FAM178B: variants seen among roughly 807,000 people sequenced by gnomAD.
The protein encoded by FAM178B is family with sequence similarity 178 member B, also known as protein FAM178B.
A neutral mutation model predicts 91.7 loss-of-function variants in FAM178B; 82 were observed. That is an observed-to-expected ratio of 0.89 (90% CI 0.75 to 1.07). FAM178B has a LOEUF of 1.07. Among genes scored for constraint, FAM178B ranks in the 50% least tolerant of loss-of-function variants. FAM178B has a pLI of 0.00. For synonymous variants in FAM178B, 368 were observed against 359.4 expected, an observed-to-expected ratio of 1.02 and a Z score of -0.27; for missense variants, 769 against 846.7, an observed-to-expected ratio of 0.91 and a Z score of 1.14.
intron 12 of FAM178B, among the ~76,000 whole-genome samples, chr2:96,920,256 T>C (rs769168088): frequency 9.9e-5 from 15 of 152,156 alleles, no homozygotes; most frequent in South Asian, 2.1e-4. Context: ...ATTCAGCCAA[T>C]GGGCCTTATC....
chr2:96,881,737 G>T (rs1484196792), intron 14 of FAM178B, among the ~76,000 whole-genome samples: 1 of 144,146 alleles, frequency 6.9e-6, no homozygotes, highest in Admixed American at 6.8e-5. Flanking sequence ...GAATCTGCAG[G>T]GGGCAGGGAG....
At position 96,876,276 on chromosome 2, in the gene FAM178B, T is replaced by C; in HGVS notation, c.2040A>G (p.Ter680=). The part of the protein sequence containing the change: ...AQYFSPWKDI[*] ...CCTGGGCTGCCCTGACCCTGTCCCT[T>C]TAGATGTCTTTCCAGGGGCTGAAAT... Residue 680 remains the stop codon, a stop_retained_variant, in exon 17 of 17, where the codon TAA becomes TAG. Transcript: ENST00000490605. 1 of 1,608,276 alleles carries C rather than the reference T, an allele frequency of 6.2e-7. No homozygotes were observed.
intron 13 of FAM178B, among the ~76,000 whole-genome samples, chr2:96,894,395 C>A (rs1203524576): frequency 7.9e-6 from 1 of 126,682 alleles, no homozygotes; most frequent in Non-Finnish European, 1.7e-5. Flanking sequence ...CCCACACATA[C>A]CCAGGCCTCC....
chr2:96,985,372 C>G (rs2082409854), intron 1 of FAM178B, among the ~76,000 whole-genome samples: 1 of 152,170 alleles, frequency 6.6e-6, no homozygotes, highest in Non-Finnish European at 1.5e-5. Flanking sequence ...CCCCTCTGCC[C>G]AGCACATCCC....
rs2080236325 is a variant in FAM178B, at chr2:96,876,153, T to C, written c.*123A>G. 2.0e-6 allele frequency: 2 copies of C among 1,010,770 alleles called. No homozygotes were observed. Among genetic ancestry groups the C allele is most frequent in the African/African-American group, 3.2e-5 (2 of 62,492 alleles). 62.6% of individuals were successfully genotyped at this position (1,010,770 alleles called of 1,614,324 possible). A position where few individuals can be genotyped will look rare whatever the true frequency, so the allele number is the denominator to read the frequency against. ...CGGGGCGGTGGCAGGGGCAGGCTCTTGCCTCATCAGGCTGGTCAGCATGTG... is the reference window on the plus strand; with the variant it reads ...CGGGGCGGTGGCAGGGGCAGGCTCTCGCCTCATCAGGCTGGTCAGCATGTG... On this transcript the variant is annotated 3_prime_UTR_variant, in exon 17 of 17. Transcript: ENST00000490605.
At chr2:96,921,064 A>G (rs925653986) in intron 12 of FAM178B, 101 bp downstream of exon 12, 2 of 881,310 alleles carry the variant, frequency 2.3e-6, no homozygotes, top group Non-Finnish European at 3.7e-6. Flanking sequence ...GAAATTGGGC[A>G]GGGGAGGTTT....
At chr2:96,889,771 T>A (rs1455226387) in intron 14 of FAM178B, among the ~76,000 whole-genome samples, 2 of 150,600 alleles carry the variant, frequency 1.3e-5, no homozygotes, top group Non-Finnish European at 3.0e-5. Flanking sequence ...CAAGAAATGA[T>A]AAGGAAGTGT....
At chr2:96,943,884 G>A (rs2153372767) in intron 8 of FAM178B, among the ~76,000 whole-genome samples, 1 of 152,206 alleles carries the variant, frequency 6.6e-6, no homozygotes, top group Non-Finnish European at 1.5e-5. Context: ...TCTGCAGATG[G>A]GTTCGCGGTG....
At chr2:96,951,022 C>T (rs942948119) in intron 7 of FAM178B, among the ~76,000 whole-genome samples, 10 of 152,092 alleles carry the variant, frequency 6.6e-5, no homozygotes, top group African/African-American at 2.4e-4. Context: ...GGGGCTTGGA[C>T]CGATTCACTG....
chr2:96,959,199 G>GAAAAAAAA (rs57498168), intron 6 of FAM178B, among the ~76,000 whole-genome samples: 22 of 82,126 alleles, frequency 2.7e-4, no homozygotes, highest in African/African-American at 7.1e-4. Context: ...ACTCAGTTTT[G>GAAAAAAAA]AAAAAAAAAA....
At chr2:96,971,751 C>G in intron 3 of FAM178B, 150 bp downstream of exon 3, 1 of 692,710 alleles carries the variant, frequency 1.4e-6, no homozygotes, top group Non-Finnish European at 2.1e-6. Flanking sequence ...GCCATGAGGG[C>G]CCAAGGGCTG....
chr2:96,895,001 T>TGTGGAGGTTTGGAACACCATGAAGAGAG, intron 13 of FAM178B: 1 of 1,261,290 alleles, frequency 7.9e-7, no homozygotes, highest in Non-Finnish European at 1.0e-6. Flanking sequence ...AACTCTTCTC[T>TGTGGAGGTTTGGAACACCATGAAGAGAG]GTGGAGGTTT....
chr2:96,961,522 T>C (rs2082081694), intron 5 of FAM178B, among the ~76,000 whole-genome samples: 2 of 152,214 alleles, frequency 1.3e-5, no homozygotes, highest in Non-Finnish European at 2.9e-5. Flanking sequence ...ATGTTCTGCT[T>C]CATTTTATAG....
intron 5 of FAM178B, among the ~76,000 whole-genome samples, chr2:96,962,030 C>T (rs2082087487): frequency 6.6e-6 from 1 of 152,096 alleles, no homozygotes; most frequent in Non-Finnish European, 1.5e-5. Context: ...TTATTAAAAG[C>T]CTAGGCCAGG....
intron 9 of FAM178B, among the ~76,000 whole-genome samples, chr2:96,927,378 G>A (rs1483789856): frequency 4.6e-5 from 7 of 152,304 alleles, no homozygotes; most frequent in East Asian, 3.9e-4. Flanking sequence ...CCAGGTCCTC[G>A]AGGGTAGTTC....
intron 6 of FAM178B, among the ~76,000 whole-genome samples, chr2:96,957,551 C>T (rs1202968814): frequency 6.6e-6 from 1 of 152,226 alleles, no homozygotes; most frequent in Non-Finnish European, 1.5e-5. Context: ...GGCAGGCCTG[C>T]TCTGATCCCA....
intron 14 of FAM178B, among the ~76,000 whole-genome samples, chr2:96,890,948 G>A (rs548933586): frequency 1.3e-5 from 2 of 152,148 alleles, no homozygotes; most frequent in East Asian, 1.9e-4. Context: ...GCATGCACAG[G>A]GCCATAGATA....
chr2:96,951,805 G>T, intron 6 of FAM178B: 1 of 244,416 alleles, frequency 4.1e-6, no homozygotes, highest in Non-Finnish European at 8.2e-6. Flanking sequence ...GGTAGATCAC[G>T]AGGTCAGGAG....
chr2:96,921,046 G>A (rs1421815752), intron 12 of FAM178B, 119 bp downstream of exon 12: 1 of 760,096 alleles, frequency 1.3e-6, no homozygotes, highest in African/African-American at 1.7e-5. Flanking sequence ...TCTCCCTCCT[G>A]GGGATTAGAA....
Sources: gnomAD v4.1 joint callset for allele counts (sites outside exome capture counted in the v4.1 genomes callset) on GRCh38, gnomAD v4.1.1 for gene constraint, MANE v1.5 for transcripts, NCBI Gene and HGNC (gene_info 2026-07-23, HGNC 2026-07-21) for gene names.